Variants in ANOS1 observed in about 807,000 individuals in gnomAD.
ANOS1 encodes the protein anosmin-1.
ANOS1 carries 6 observed loss-of-function variants against 59.0 expected under a neutral mutation model. The observed-to-expected ratio is 0.10, with a 90% CI of 0.06 to 0.20. The LOEUF is 0.20. ANOS1 is among the 10% of genes least tolerant of loss of function. The pLI is 1.00. For missense variants in ANOS1, 433 were observed against 542.3 expected (o/e 0.80, Z 2.00); for synonymous variants, 217 against 223.4 (o/e 0.97, Z 0.25).
chrX:8,618,356 AT>A (rs1169255939), intron 3 of ANOS1, among the ~76,000 whole-genome samples: 1 of 112,275 alleles, frequency 8.9e-6, no homozygotes, highest in Non-Finnish European at 1.9e-5. Flanking sequence ...CCTGAAGCCA[AT>A]AAGGTTTCAG....
intron 2 of ANOS1, among the ~76,000 whole-genome samples, chrX:8,667,663 G>A (rs1024192689): frequency 9.0e-6 from 1 of 111,557 alleles, no homozygotes. Context: ...ACCCTGTGAG[G>A]TCTACTGGAG....
intron 2 of ANOS1, among the ~76,000 whole-genome samples, chrX:8,658,279 C>T (rs188638675): frequency 9.0e-6 from 1 of 111,681 alleles, no homozygotes; most frequent in Non-Finnish European, 1.9e-5. Context: ...CTGTTGGACA[C>T]GGCCAAACCC....
chrX:8,566,480 C>T (rs1015094323), intron 8 of ANOS1, among the ~76,000 whole-genome samples: 4 of 110,631 alleles, frequency 3.6e-5, no homozygotes, highest in Admixed American at 1.9e-4. Flanking sequence ...AATTATGGAA[C>T]ATATTGCTAT....
At chrX:8,663,010 G>C (rs1350993248) in intron 2 of ANOS1, among the ~76,000 whole-genome samples, 1 of 110,928 alleles carries the variant, frequency 9.0e-6, no homozygotes, top group Admixed American at 9.7e-5. Context: ...GTGAAACTCT[G>C]TCTCAAAATA....
In ANOS1 at chrX:8,597,111, T is replaced by C. The variant is rs866906842; in HGVS notation, c.464A>G (p.Asn155Ser). 8 of 1,209,400 alleles carry C rather than the reference T, an allele frequency of 6.6e-6. No individual in the cohort carries two copies. The highest frequency in any genetic ancestry group is 2.3e-4 in the Middle Eastern group (1 of 4,370). Residue 155 changes from asparagine (N) to serine (S), a missense_variant, in exon 4 of 14, where the codon AAT becomes AGT. Physicochemically the swap from Asn to Ser is conservative, Grantham distance 46. Coordinates refer to ENST00000262648, the MANE Select transcript of ANOS1 (RefSeq NM_000216.4). ...AACVESCEVD[N>S]ECSGVKKCCS... is the part of the protein sequence containing the mutation. ...ACATTTCTTCACCCCAGAGCACTCA[T>C]TGTCAACTTCGCAGCTTTCAACACA...
Position 8,554,556 on chromosome X carries a change from T to TGTTG in ANOS1, c.1208-459_1208-458insCAAC, listed in dbSNP as rs1555893271. Among the ~76,000 whole-genome samples, 69 of 97,140 alleles carry TGTTG rather than the reference T, an allele frequency of 7.1e-4. 1 individual carries two copies. Among genetic ancestry groups the TGTTG allele is most frequent in the African/African-American group, 2.6e-3 (65 of 24,906 alleles). 84.4% of individuals were successfully genotyped at this position (97,140 alleles called of 115,157 possible). The stretch of plus-strand genomic sequence containing the variant: ...TGGCTACAGGAGTTTTTTTTTTTTT[T>TGTTG]TTTTTTTTTTTTTTGTTGTTGTTGT... On this transcript the variant is annotated intron_variant, in intron 8 of 13. Transcript: ENST00000262648.
At chrX:8,731,738 CT>C in intron 1 of ANOS1, 91 bp downstream of exon 1, 1 of 1,129,039 alleles carries the variant, frequency 8.9e-7, no homozygotes, top group Non-Finnish European at 1.2e-6. Flanking sequence ...TGGCCGAGAA[CT>C]TTGCGAGCCC....
In ANOS1 at chrX:8,692,337, ATACTT is replaced by A. The variant is rs767475741; in HGVS notation, c.255+7356_255+7360del. ...CAACAGAGTTGAGTAGTTGCAACAG[ATACTT>A]TATGGGCTGCAAAGACAAAGATGGT... On this transcript the variant is annotated intron_variant, in intron 2 of 13. Coordinates refer to ENST00000262648, the MANE Select transcript of ANOS1 (RefSeq NM_000216.4). 4.5e-5 allele frequency among the ~76,000 whole-genome samples: 5 copies of A among 111,689 alleles called. No homozygotes were observed. The East Asian group carries it at 1.1e-3, about 25-fold the overall frequency.
chrX:8,557,550 T>C (rs2146799124), intron 8 of ANOS1, among the ~76,000 whole-genome samples: 1 of 112,466 alleles, frequency 8.9e-6, no homozygotes, highest in East Asian at 2.8e-4. Flanking sequence ...AAGACATTTA[T>C]GCGGCCAATA....
intron 3 of ANOS1, among the ~76,000 whole-genome samples, chrX:8,620,420 A>ATAATGTAATCTAGAGTCCCTTT (rs1409724126): frequency 4.5e-5 from 5 of 112,142 alleles, no homozygotes; most frequent in Non-Finnish European, 7.5e-5. Flanking sequence ...CCGTTGAAGA[A>ATAATGTAATCTAGAGTCCCTTT]TAATGTAATC....
chrX:8,665,057 A>G (rs1177708979), intron 2 of ANOS1, among the ~76,000 whole-genome samples: 3 of 111,682 alleles, frequency 2.7e-5, no homozygotes, highest in Non-Finnish European at 5.6e-5. Flanking sequence ...TGAGCAAGAG[A>G]ACGACAAGAC....
intron 2 of ANOS1, among the ~76,000 whole-genome samples, chrX:8,664,352 G>A (rs745416741): frequency 9.1e-5 from 10 of 110,237 alleles, no homozygotes; most frequent in South Asian, 8.0e-4. Flanking sequence ...CACCACGCCC[G>A]GCTAATTTTT....
At chrX:8,575,315 A>G (rs1930301835) in intron 6 of ANOS1, among the ~76,000 whole-genome samples, 1 of 112,484 alleles carries the variant, frequency 8.9e-6, no homozygotes, top group Admixed American at 9.4e-5. Flanking sequence ...CGTCACTTCA[A>G]GGCAAGAGAA....
At chrX:8,620,207 T>C (rs964571835) in intron 3 of ANOS1, among the ~76,000 whole-genome samples, 3 of 112,511 alleles carry the variant, frequency 2.7e-5, no homozygotes, top group Non-Finnish European at 5.6e-5. Flanking sequence ...AATTCTGTTG[T>C]TGTAGCACAA....
chrX:8,728,271 G>T lies in ANOS1; in HGVS notation c.207+3559C>A, dbSNP rs1041352618. Among the ~76,000 whole-genome samples, 6 of 112,184 alleles carry T rather than the reference G, an allele frequency of 5.3e-5. No homozygotes were observed. The Admixed American group carries it at 5.7e-4, about 11-fold the overall frequency. ...CCCTAATTTAGTAGCTGCCTCCTAG[G>T]AGTGTTGTGGGGATTAAAAGAGTAG... is the stretch of plus-strand genomic sequence containing the variant. On this transcript the variant is annotated intron_variant, in intron 1 of 13. Transcript: ENST00000262648.
At chrX:8,601,829 T>C (rs2146830457) in intron 3 of ANOS1, among the ~76,000 whole-genome samples, 1 of 112,449 alleles carries the variant, frequency 8.9e-6, no homozygotes, top group East Asian at 2.8e-4. Context: ...GTAATTTGTG[T>C]CTTTTTTTCT....
chrX:8,671,625 T>C (rs1932256609), intron 2 of ANOS1, among the ~76,000 whole-genome samples: 1 of 107,517 alleles, frequency 9.3e-6, no homozygotes, highest in Non-Finnish European at 1.9e-5. Context: ...ACATTATATA[T>C]ATACTATATA....
rs780499676 is a variant in ANOS1 at position 8,548,694 on chromosome X, T to C, written c.1354+5258A>G. On this transcript the variant is annotated intron_variant, in intron 9 of 13. Coordinates refer to ENST00000262648, the MANE Select transcript of ANOS1 (RefSeq NM_000216.4). ...TACACTGTCAACTGTTGAAGGCCAC[T>C]GCACAGAACATTCTCTTTTAGAAAT... 1.4e-4 allele frequency among the ~76,000 whole-genome samples: 16 copies of C among 112,164 alleles called. No individual in the cohort carries two copies. The South Asian group carries it at 1.8e-3, about 13-fold the overall frequency.
chrX:8,542,933 G>T (rs1484348750), intron 9 of ANOS1, among the ~76,000 whole-genome samples: 1 of 110,589 alleles, frequency 9.0e-6, no homozygotes, highest in Non-Finnish European at 1.9e-5. Context: ...TGGCTTCCAG[G>T]TCTCCACTGC....
Sources: allele counts gnomAD v4.1 joint callset (sites outside exome capture counted in the v4.1 genomes callset), GRCh38; gene constraint gnomAD v4.1.1; transcripts MANE v1.5; gene names NCBI Gene and HGNC (gene_info 2026-07-23, HGNC 2026-07-21).